Variants in NCOR2 observed in about 807,000 individuals in gnomAD.
NCOR2 encodes nuclear receptor corepressor 2.
In NCOR2, 81 loss-of-function variants were observed where a neutral mutation model predicts 262.9. The observed-to-expected ratio is 0.31, with a 90% CI of 0.26 to 0.37. NCOR2 has a LOEUF of 0.37. Ranked by LOEUF, NCOR2 falls within the 10% of genes least tolerant of loss-of-function variation. The pLI is 1.00. For synonymous variants in NCOR2, 1,659 were observed against 1,559.3 expected, an observed-to-expected ratio of 1.06 and a Z score of -1.51; for missense variants, 3,385 against 3,621.4, an observed-to-expected ratio of 0.93 and a Z score of 1.68.
At chr12:124,382,194 C>A (rs902952243) in intron 17 of NCOR2, among the ~76,000 whole-genome samples, 5 of 152,210 alleles carry the variant, frequency 3.3e-5, no homozygotes, top group African/African-American at 1.2e-4. Context: ...TGGAGGTCAC[C>A]AGGTTCAGCG....
chr12:124,444,992 A>C (rs755192780), intron 7 of NCOR2, among the ~76,000 whole-genome samples: 1 of 152,080 alleles, frequency 6.6e-6, no homozygotes, highest in African/African-American at 2.4e-5. Flanking sequence ...CTGGGTTCTG[A>C]CTGATCCCCC....
rs1565981609 is a variant in NCOR2, at chr12:124,479,470, A to ACAC, written c.411+4125_411+4126insGTG. On this transcript the variant is annotated intron_variant, in intron 3 of 46. Transcript: ENST00000405201. ...ACACACGCATACACACACACACACA[A>ACAC]ACACGCAGGGACACACACAGGCACA... Among the ~76,000 whole-genome samples the ACAC allele has an allele frequency of 5.5e-3, 350 of 63,202 alleles. 5 individuals are homozygous for ACAC. In the East Asian group the frequency reaches 0.072, roughly 13 times the overall value. 41.5% of individuals were successfully genotyped at this position (63,202 alleles called of 152,430 possible).
In NCOR2 at chr12:124,333,072, A is replaced by AG; in HGVS notation, c.6755+57dup. ...ATGGCACCACGGTGGACTGGGGCCA[A>AG]GGATGGGCAAGGGATACCAGAGCAT... On this transcript the variant is annotated intron_variant, in intron 42 of 46. Coordinates refer to ENST00000405201, the Ensembl canonical transcript of NCOR2. The AG allele has an allele frequency of 9.8e-6, 15 of 1,528,408 alleles. No individual in the cohort carries two copies. The South Asian group carries it at 1.9e-4, about 20-fold the overall frequency. The allele number at this position is 1,528,408 out of a possible 1,614,324, so 94.7% of individuals were successfully genotyped here. A position where few individuals can be genotyped will look rare whatever the true frequency, so the allele number is the denominator to read the frequency against.
intron 1 of NCOR2, among the ~76,000 whole-genome samples, chr12:124,528,010 G>A (rs987814037): frequency 1.3e-5 from 2 of 152,204 alleles, no homozygotes; most frequent in Non-Finnish European, 2.9e-5. Flanking sequence ...GCAGCCTGAT[G>A]AGGGATTTGC....
intron 2 of NCOR2, 158 bp downstream of exon 4, chr12:124,486,283 C>G: frequency 1.7e-6 from 2 of 1,197,286 alleles, no homozygotes; most frequent in Non-Finnish European, 2.3e-6. Flanking sequence ...CATCCTCACC[C>G]CGAGTCACGC....
intron 1 of NCOR2, among the ~76,000 whole-genome samples, chr12:124,492,617 G>A (rs1402557274): frequency 1.3e-5 from 2 of 152,198 alleles, no homozygotes; most frequent in Admixed American, 6.5e-5. Flanking sequence ...TCCCGCCACT[G>A]ACTGTCCCCT....
rs1200624174 is a variant in NCOR2 at position 124,389,558 on chromosome 12, C to T, written c.1877-3671G>A. ...AACAGCTTCTTCCGCCATCATCCCC[C>T]GCCGCCCGTCCCCCCACCCTCCGTG... is the stretch of plus-strand genomic sequence containing the variant. On this transcript the variant is annotated intron_variant, in intron 16 of 46. Coordinates refer to ENST00000405201, the Ensembl canonical transcript of NCOR2. The surrounding 1 kb of genome is among the most constrained non-coding windows in gnomAD (Gnocchi z 4.4). 1.3e-5 allele frequency among the ~76,000 whole-genome samples: 2 copies of T among 152,220 alleles called. No homozygotes were observed. Among genetic ancestry groups the T allele is most frequent in the South Asian group, 4.1e-4 (2 of 4,830 alleles).
chr12:124,344,704 G>A (rs1245889992), exon 32 of NCOR2: 36 of 1,534,916 alleles, frequency 2.3e-5, no homozygotes, highest in East Asian at 4.9e-5. Context: ...GCTCTGCCGC[G>A]GCTTACCCAG....
intron 32 of NCOR2, 60 bp downstream of exon 34, chr12:124,344,537 G>T: frequency 7.3e-7 from 1 of 1,364,328 alleles, no homozygotes; most frequent in South Asian, 1.6e-5. Flanking sequence ...GGTGGATGGG[G>T]AGGCACAGCT....
intron 5 of NCOR2, among the ~76,000 whole-genome samples, chr12:124,459,109 G>T (rs1363149900): frequency 2.0e-5 from 3 of 152,160 alleles, no homozygotes; most frequent in African/African-American, 7.2e-5. Flanking sequence ...TGGGGCACAA[G>T]TCACTCTCCC....
Position 124,457,801 on chromosome 12 carries a change from C to A in NCOR2, c.706-639G>T, listed in dbSNP as rs1251374155. Among the ~76,000 whole-genome samples, 1 of 152,182 alleles carries A rather than the reference C, an allele frequency of 6.6e-6. No individual in the cohort carries two copies. The highest frequency in any genetic ancestry group is 2.4e-5 in the African/African-American group (1 of 41,440). ...CATCAATAGGCTGGACCTCCGGGCCCCCACCCCGGCCCTCGGTGTGAAGGC... is the reference window on the plus strand; with the variant it reads ...CATCAATAGGCTGGACCTCCGGGCCACCACCCCGGCCCTCGGTGTGAAGGC... On this transcript the variant is annotated intron_variant, in intron 5 of 46. Transcript: ENST00000405201. This position sits in a 1 kb window ranked among gnomAD's most constrained non-coding sequence, Gnocchi z 4.0.
At chr12:124,372,724 C>T in intron 19 of NCOR2, 114 bp from the exon 22 acceptor site, 1 of 932,828 alleles carries the variant, frequency 1.1e-6, no homozygotes, top group East Asian at 2.6e-5. Context: ...GCCAAAACAG[C>T]CCCGAGGCTC....
At chr12:124,524,567 G>C (rs1395750498) in intron 1 of NCOR2, among the ~76,000 whole-genome samples, 1 of 152,214 alleles carries the variant, frequency 6.6e-6, no homozygotes, top group East Asian at 1.9e-4. Context: ...CCAGCTCCCA[G>C]AGGCATTGTT....
At chr12:124,354,859 C>T in exon 25 of NCOR2, 2 of 1,612,870 alleles carry the variant, frequency 1.2e-6, no homozygotes, top group Non-Finnish European at 1.7e-6. Flanking sequence ...GGTCCATGGG[C>T]AGGGGCAGCC....
intron 22 of NCOR2, 43 bp downstream of exon 24, chr12:124,362,083 C>T: frequency 7.9e-7 from 1 of 1,261,142 alleles, no homozygotes; most frequent in South Asian, 3.8e-5. Flanking sequence ...GCCCGTCAGT[C>T]CCCTGCTGCC....
At chr12:124,377,317 C>T (rs985700535) in intron 18 of NCOR2, among the ~76,000 whole-genome samples, 1 of 152,142 alleles carries the variant, frequency 6.6e-6, no homozygotes, top group African/African-American at 2.4e-5. Context: ...CAACACACTC[C>T]GTGGTACCTG....
At chr12:124,532,933 CCT>C (rs200360300) in intron 1 of NCOR2, among the ~76,000 whole-genome samples, 5,192 of 28,734 alleles carry the variant, frequency 0.18, 1,063 homozygotes, top group East Asian at 0.4. Context: ...TCCTCCTTCC[CCT>C]CCTCCCTCCA....
At position 124,378,733 on chromosome 12, in the gene NCOR2, G is replaced by A. The variant is rs988272539; in HGVS notation, c.2020-349C>T. 1.3e-5 allele frequency among the ~76,000 whole-genome samples: 2 copies of A among 152,196 alleles called. No individual in the cohort carries two copies. The highest frequency in any genetic ancestry group is 2.9e-5 in the Non-Finnish European group (2 of 68,034). On this transcript the variant is annotated intron_variant, in intron 17 of 46. Coordinates refer to ENST00000405201, the Ensembl canonical transcript of NCOR2. This position sits in a 1 kb window ranked among gnomAD's most constrained non-coding sequence, Gnocchi z 4.2. ...CTGGGGACACCCTGTCAGCTTCATC[G>A]GCACACGTGGAGTGAATGAACACAG... is the stretch of plus-strand genomic sequence containing the variant.
At chr12:124,479,567 ACGCACG>A (rs888244426) in intron 3 of NCOR2, among the ~76,000 whole-genome samples, 3 of 151,896 alleles carry the variant, frequency 2.0e-5, no homozygotes, top group African/African-American at 7.3e-5. Flanking sequence ...GCGCACACAC[ACGCACG>A]CGCGCGCGCA....
Sources: allele counts gnomAD v4.1 joint callset (sites outside exome capture counted in the v4.1 genomes callset), GRCh38; gene constraint gnomAD v4.1.1; non-coding constraint Gnocchi (gnomAD v3.1); transcripts MANE v1.5; gene names NCBI Gene and HGNC (gene_info 2026-07-23, HGNC 2026-07-21).